The following KIAA1217 variants were observed in gnomAD, a reference collection of about 807,000 sequenced individuals.
KIAA1217 encodes sickle tail protein homolog.
Under a neutral mutation model 163.9 loss-of-function variants are expected in KIAA1217, and 88 were observed. The observed-to-expected ratio is 0.54, with a 90% CI of 0.45 to 0.64. The LOEUF (loss-of-function observed/expected upper bound fraction) is 0.64, where lower values mean the gene tolerates loss of function less well. Ranked by LOEUF, KIAA1217 falls within the 30% of genes least tolerant of loss-of-function variation. KIAA1217 has a pLI of 0.00. For missense variants in KIAA1217, 2,372 were observed against 2,475.0 expected, an observed-to-expected ratio of 0.96 and a Z score of 0.88; for synonymous variants, 903 against 923.1, an observed-to-expected ratio of 0.98 and a Z score of 0.39.
At chr10:24,324,558 C>A (rs1293318472) in intron 2 of KIAA1217, among the ~76,000 whole-genome samples, 1 of 152,154 alleles carries the variant, frequency 6.6e-6, no homozygotes, top group African/African-American at 2.4e-5. Context: ...CAGAGCAAGA[C>A]TTCATATCAA....
chr10:24,113,529 T>C lies in KIAA1217; in HGVS notation c.-170-106097T>C, dbSNP rs546651933. 3.3e-5 allele frequency among the ~76,000 whole-genome samples: 5 copies of C among 152,340 alleles called. No individual in the cohort carries two copies. In the South Asian group the frequency reaches 1.0e-3, roughly 32 times the overall value. ...TTGTAGAAGATGACAGCATCCACTC[T>C]ATTTTAAACAGAAAAGGAATTTTGC... On this transcript the variant is annotated intron_variant, in intron 2 of 18. Transcript: ENST00000376462.
chr10:24,403,159 C>A (rs1475507304), intron 3 of KIAA1217, among the ~76,000 whole-genome samples: 4 of 152,156 alleles, frequency 2.6e-5, no homozygotes, highest in Non-Finnish European at 4.4e-5. Flanking sequence ...GTGAAGATTT[C>A]TTAGACGTGA....
intron 3 of KIAA1217, among the ~76,000 whole-genome samples, chr10:24,391,707 T>C (rs1232266436): frequency 6.6e-6 from 1 of 152,112 alleles, no homozygotes; most frequent in African/African-American, 2.4e-5. Flanking sequence ...GGAGTATAAG[T>C]CACCTTTTTA....
chr10:23,851,140 T>A (rs1487840150), intron 1 of KIAA1217, among the ~76,000 whole-genome samples: 4 of 152,078 alleles, frequency 2.6e-5, no homozygotes, highest in Non-Finnish European at 5.9e-5. Context: ...ATTAGGTATA[T>A]CTCCTAATGC....
At chr10:23,769,646 A>T (rs944275565) in intron 1 of KIAA1217, among the ~76,000 whole-genome samples, 1 of 152,220 alleles carries the variant, frequency 6.6e-6, no homozygotes, top group Non-Finnish European at 1.5e-5. Flanking sequence ...GAGAAACAAG[A>T]TGGAGCTAGT....
Position 23,843,961 on chromosome 10 carries a change from C to G in KIAA1217, c.-321+148727C>G, listed in dbSNP as rs145283660. Reference sequence around the variant, plus strand: ...CTTATCTTTAGTGGTGTATGGAGTCCACCAGTCTAGAGATCCTCTGCTTTA... The same window carrying G: ...CTTATCTTTAGTGGTGTATGGAGTCGACCAGTCTAGAGATCCTCTGCTTTA... On this transcript the variant is annotated intron_variant, in intron 1 of 18. Coordinates refer to the KIAA1217 transcript ENST00000376462. Among the ~76,000 whole-genome samples the G allele has an allele frequency of 4.1e-4, 63 of 152,186 alleles. No homozygotes were observed. The East Asian group carries it at 9.1e-3, about 22-fold the overall frequency.
intron 1 of KIAA1217, among the ~76,000 whole-genome samples, chr10:23,975,125 A>G (rs1845484867): frequency 6.6e-6 from 1 of 152,174 alleles, no homozygotes; most frequent in Non-Finnish European, 1.5e-5. Context: ...CAATGTCCCT[A>G]CTTTTTACAT....
At chr10:24,086,930 A>C (rs1351974364) in intron 2 of KIAA1217, among the ~76,000 whole-genome samples, 1 of 152,206 alleles carries the variant, frequency 6.6e-6, no homozygotes, top group African/African-American at 2.4e-5. Flanking sequence ...AGTAACATTT[A>C]GATTTCCAGC....
chr10:23,864,166 G>T (rs886822957), intron 1 of KIAA1217, among the ~76,000 whole-genome samples: 2 of 151,702 alleles, frequency 1.3e-5, no homozygotes, highest in Non-Finnish European at 2.9e-5. Context: ...ACTCAAATAA[G>T]CAGTAGAGCT....
intron 1 of KIAA1217, among the ~76,000 whole-genome samples, chr10:24,000,521 C>T (rs921688759): frequency 6.6e-6 from 1 of 152,226 alleles, no homozygotes; most frequent in African/African-American, 2.4e-5. Context: ...TTATAAATTA[C>T]CCAGTCTCTC....
chr10:24,526,275 C>T (rs564869641), intron 13 of KIAA1217, among the ~76,000 whole-genome samples: 1 of 152,230 alleles, frequency 6.6e-6, no homozygotes, highest in South Asian at 2.1e-4. Flanking sequence ...TAGGTGGTTT[C>T]TCTGTGTCGC....
chr10:23,972,307 G>A (rs568128558), intron 1 of KIAA1217, among the ~76,000 whole-genome samples: 64 of 152,294 alleles, frequency 4.2e-4, no homozygotes, highest in African/African-American at 1.5e-3. Context: ...AAAGACACAT[G>A]CACATGTATG....
At chr10:24,158,434 A>G (rs749708112) in intron 2 of KIAA1217, 3 of 570,704 alleles carry the variant, frequency 5.3e-6, no homozygotes, top group Non-Finnish European at 7.0e-6. Flanking sequence ...CTTAAAACAC[A>G]TGATGTCTAA....
rs147493530 is a variant in KIAA1217, at chr10:24,403,381, G to A, written c.553+22314G>A. On this transcript the variant is annotated intron_variant, in intron 3 of 20. Coordinates refer to ENST00000376454, the MANE Select transcript of KIAA1217 (RefSeq NM_019590.5). Reference sequence around the variant, plus strand: ...AGCCTCCTGAATAGCTGGGATTACAGACATGTGCCACCACACCTTGCTAAT... The same window carrying A: ...AGCCTCCTGAATAGCTGGGATTACAAACATGTGCCACCACACCTTGCTAAT... Among the ~76,000 whole-genome samples the A allele has an allele frequency of 6.5e-4, 99 of 152,274 alleles. 1 individual carries two copies. The East Asian group carries it at 0.017, about 26-fold the overall frequency.
chr10:24,055,406 T>C (rs1442443450), intron 2 of KIAA1217, among the ~76,000 whole-genome samples: 1 of 152,232 alleles, frequency 6.6e-6, no homozygotes, highest in Non-Finnish European at 1.5e-5. Flanking sequence ...TTTCCTACCA[T>C]GTTTAATTTA....
intron 2 of KIAA1217, among the ~76,000 whole-genome samples, chr10:24,254,554 G>A (rs143216897): frequency 6.6e-6 from 1 of 152,278 alleles, no homozygotes; most frequent in East Asian, 1.9e-4. Flanking sequence ...TTACAGCCCT[G>A]CCTTTCTTTA....
chr10:23,780,957 A>G (rs555672145), intron 1 of KIAA1217, among the ~76,000 whole-genome samples: 1 of 152,276 alleles, frequency 6.6e-6, no homozygotes, highest in East Asian at 1.9e-4. Context: ...CTGGGATTAC[A>G]GGCGTGAGCC....
chr10:24,038,350 A>G (rs1460077683), intron 2 of KIAA1217, among the ~76,000 whole-genome samples: 2 of 152,206 alleles, frequency 1.3e-5, no homozygotes, highest in East Asian at 3.8e-4. Flanking sequence ...AAACAGATGC[A>G]TGAGTTTTGG....
chr10:24,061,088 T>C (rs1252436593), intron 2 of KIAA1217, among the ~76,000 whole-genome samples: 1 of 152,200 alleles, frequency 6.6e-6, no homozygotes, highest in Non-Finnish European at 1.5e-5. Context: ...TCTTACTGTC[T>C]TTCTTGTGTT....
Sources: gnomAD v4.1 joint callset for allele counts (sites outside exome capture counted in the v4.1 genomes callset) on GRCh38, gnomAD v4.1.1 for gene constraint, MANE v1.5 for transcripts, NCBI Gene and HGNC (gene_info 2026-07-23, HGNC 2026-07-21) for gene names.